BTBD9: variants seen among roughly 807,000 people sequenced by gnomAD.
BTBD9 encodes BTB/POZ domain-containing protein 9.
BTBD9 carries 49 observed loss-of-function variants against 64.3 expected under a neutral mutation model. The observed-to-expected ratio is 0.76, with a 90% CI of 0.61 to 0.97. BTBD9 has a LOEUF of 0.97. BTBD9 is among the 50% of genes least tolerant of loss of function. BTBD9 has a pLI of 0.00. For synonymous variants in BTBD9, 260 were observed against 274.7 expected, an observed-to-expected ratio of 0.95 and a Z score of 0.53; for missense variants, 598 against 762.1, an observed-to-expected ratio of 0.78 and a Z score of 2.53.
chr6:38,632,698 A>G (rs1478045647), intron 1 of BTBD9, among the ~76,000 whole-genome samples: 2 of 152,192 alleles, frequency 1.3e-5, no homozygotes, highest in Admixed American at 1.3e-4. Flanking sequence ...CTGGGAGGCC[A>G]AAGTTGGAGG....
At chr6:38,610,795 G>A (rs1777591959) in intron 1 of BTBD9, among the ~76,000 whole-genome samples, 1 of 151,948 alleles carries the variant, frequency 6.6e-6, no homozygotes, top group South Asian at 2.1e-4. Context: ...CAGCTTTTTG[G>A]AGGTCAGTTT....
chr6:38,559,543 T>A (rs1440496532), intron 6 of BTBD9, among the ~76,000 whole-genome samples: 3 of 152,046 alleles, frequency 2.0e-5, no homozygotes, highest in Non-Finnish European at 4.4e-5. Context: ...TATCAAAGTA[T>A]CAACATCATT....
At chr6:38,615,106 G>A (rs1777740890) in intron 1 of BTBD9, among the ~76,000 whole-genome samples, 1 of 152,142 alleles carries the variant, frequency 6.6e-6, no homozygotes, top group Admixed American at 6.5e-5. Context: ...CAGGGCTTTG[G>A]CATAAGTTGA....
chr6:38,175,885 C>G (rs1033780785), intron 10 of BTBD9, among the ~76,000 whole-genome samples: 1 of 152,256 alleles, frequency 6.6e-6, no homozygotes, highest in Non-Finnish European at 1.5e-5. Context: ...TCATGTGGCT[C>G]CAGCCAGCCT....
chr6:38,217,371 A>G (rs1364887852), intron 9 of BTBD9, among the ~76,000 whole-genome samples: 1 of 151,664 alleles, frequency 6.6e-6, no homozygotes, highest in East Asian at 1.9e-4. Flanking sequence ...AAAGTGGTCA[A>G]ACCTATGCTC....
chr6:38,178,277 G>C (rs2127471810), intron 10 of BTBD9, among the ~76,000 whole-genome samples: 1 of 152,284 alleles, frequency 6.6e-6, no homozygotes, highest in South Asian at 2.1e-4. Context: ...TGCCATGGGT[G>C]GGGGTGGGCA....
intron 8 of BTBD9, among the ~76,000 whole-genome samples, chr6:38,269,949 C>T (rs574805154): frequency 2.0e-4 from 30 of 152,266 alleles, no homozygotes; most frequent in African/African-American, 7.0e-4. Flanking sequence ...AGGCAAGCTA[C>T]CAGGGTAAAC....
At chr6:38,238,860 A>T (rs1019117006) in intron 9 of BTBD9, among the ~76,000 whole-genome samples, 6 of 152,092 alleles carry the variant, frequency 3.9e-5, no homozygotes, top group African/African-American at 9.7e-5. Context: ...CAGACTTGAG[A>T]TCTGTGTTGA....
intron 7 of BTBD9, among the ~76,000 whole-genome samples, chr6:38,298,572 C>T (rs1416844210): frequency 6.6e-6 from 1 of 152,136 alleles, no homozygotes; most frequent in African/African-American, 2.4e-5. Flanking sequence ...TAGTCCCCTA[C>T]TCTACCAACA....
rs866371329 is a variant in BTBD9 at position 38,430,918 on chromosome 6, C to T, written c.1155-85825G>A. ...TCTGTCCTGGTCTTACTCTTCTCAG[C>T]GTCATTTGATGTGGTTGACTTCTGT... is the stretch of plus-strand genomic sequence containing the variant. On this transcript the variant is annotated intron_variant, in intron 6 of 10. Transcript: ENST00000481247. Among the ~76,000 whole-genome samples, 4 of 151,988 alleles carry T rather than the reference C, an allele frequency of 2.6e-5. 1 individual carries two copies. The highest frequency in any genetic ancestry group is 4.9e-5 in the African/African-American group (2 of 41,230).
intron 7 of BTBD9, among the ~76,000 whole-genome samples, chr6:38,299,758 T>C (rs1184842640): frequency 1.1e-4 from 17 of 152,234 alleles, no homozygotes; most frequent in Admixed American, 2.0e-4. Context: ...TGGATATTAG[T>C]CCTTTGTCAG....
chr6:38,256,307 G>A, intron 9 of BTBD9, 102 bp downstream of exon 9: 1 of 764,420 alleles, frequency 1.3e-6, no homozygotes, highest in South Asian at 1.6e-5. Flanking sequence ...CTCCAAATAA[G>A]AATGTAATTT....
In BTBD9 at chr6:38,511,340, C is replaced by CTT. The variant is rs34407005; in HGVS notation, c.1154+66258_1154+66259dup. 4.0e-3 allele frequency among the ~76,000 whole-genome samples: 431 copies of CTT among 107,478 alleles called. 6 individuals are homozygous for CTT. The highest frequency in any genetic ancestry group is 6.1e-3 in the Middle Eastern group (1 of 164). The allele number at this position is 107,478 out of a possible 152,430, so 70.5% of individuals were successfully genotyped here. A position where few individuals can be genotyped will look rare whatever the true frequency, so the allele number is the denominator to read the frequency against. On this transcript the variant is annotated intron_variant, in intron 6 of 10. Transcript: ENST00000481247. ...CTGTTCCACAGTATTTTGGAAATGCCTTTTTTTTTTTTTTTTTTTTGAGAC... is the reference window on the plus strand; with the variant it reads ...CTGTTCCACAGTATTTTGGAAATGCCTTTTTTTTTTTTTTTTTTTTTTGAGAC...
At chr6:38,300,338 C>T (rs1350775594) in intron 7 of BTBD9, among the ~76,000 whole-genome samples, 6 of 152,148 alleles carry the variant, frequency 3.9e-5, no homozygotes, top group East Asian at 1.9e-4. Context: ...CTTGGCAATG[C>T]GGGCTTTTTT....
intron 6 of BTBD9, among the ~76,000 whole-genome samples, chr6:38,465,753 A>ATGTATGTATG (rs1554158494): frequency 5.0e-5 from 2 of 39,722 alleles, no homozygotes; most frequent in South Asian, 1.3e-3. Flanking sequence ...ATATATATAT[A>ATGTATGTATG]TATGTATGTA....
chr6:38,192,600 G>A lies in BTBD9; in HGVS notation c.1563-3C>T, dbSNP rs1432645778. The A allele has an allele frequency of 6.2e-7, 1 of 1,613,330 alleles. No individual in the cohort carries two copies. The highest frequency in any genetic ancestry group is 1.3e-5 in the African/African-American group (1 of 74,886). ...CAAAAGTTACTGACTGCCAGGACCT[G>A]TGAGAGGAAACAACCATTTGCCTGA... On this transcript the variant is annotated splice_polypyrimidine_tract_variant and splice_region_variant and intron_variant, in intron 9 of 10. Coordinates refer to ENST00000481247, the MANE Select transcript of BTBD9 (RefSeq NM_001099272.2).
chr6:38,313,598 T>G (rs1016338321), intron 7 of BTBD9, among the ~76,000 whole-genome samples: 1 of 152,200 alleles, frequency 6.6e-6, no homozygotes, highest in African/African-American at 2.4e-5. Context: ...GGATGTAGAA[T>G]TTTATCAAAT....
intron 6 of BTBD9, among the ~76,000 whole-genome samples, chr6:38,440,153 T>C (rs892290913): frequency 1.3e-5 from 2 of 152,128 alleles, no homozygotes; most frequent in African/African-American, 4.8e-5. Context: ...AGCATAGATA[T>C]AGTTTAAAGC....
chr6:38,194,648 C>T (rs769296375), intron 9 of BTBD9, among the ~76,000 whole-genome samples: 35 of 152,094 alleles, frequency 2.3e-4, no homozygotes, highest in South Asian at 2.1e-4. Context: ...TGTGGTCCCA[C>T]GCACTCCTCC....
Sources: gnomAD v4.1 joint callset for allele counts (sites outside exome capture counted in the v4.1 genomes callset) on GRCh38, gnomAD v4.1.1 for gene constraint, MANE v1.5 for transcripts, NCBI Gene and HGNC (gene_info 2026-07-23, HGNC 2026-07-21) for gene names.